The following CSNK2A2IP variants were observed in gnomAD, a reference collection of about 807,000 sequenced individuals.
The protein encoded by CSNK2A2IP is casein kinase 2 subunit alpha' interacting protein.
At chr3:88,389,393 C>A in the CSNK2A2IP span, among the ~76,000 whole-genome samples, 1 of 152,110 alleles carries the variant, frequency 6.6e-6, no homozygotes, top group East Asian at 1.9e-4. Context: ...GCTTGAGGAA[C>A]CGCTGGAAAG....
At chr3:88,447,514 CAG>C in the CSNK2A2IP span, among the ~76,000 whole-genome samples, 201 of 152,116 alleles carry the variant, frequency 1.3e-3, no homozygotes, top group African/African-American at 4.4e-3. Context: ...TAATAATCTT[CAG>C]AGTCTTGCTT....
At chr3:88,367,158 A>G in the CSNK2A2IP span, among the ~76,000 whole-genome samples, 2 of 152,102 alleles carry the variant, frequency 1.3e-5, no homozygotes, top group Non-Finnish European at 2.9e-5. Context: ...TATTTTCAGA[A>G]ACTTAACTTG....
At chr3:88,466,599 A>C in the CSNK2A2IP span, 4 of 1,231,592 alleles carry the variant, frequency 3.2e-6, no homozygotes, top group Non-Finnish European at 4.0e-6. Context: ...CTTGGACTTT[A>C]AAGTATAGTC....
At chr3:88,359,714 GT>G in the CSNK2A2IP span, among the ~76,000 whole-genome samples, 1 of 152,164 alleles carries the variant, frequency 6.6e-6, no homozygotes, top group South Asian at 2.1e-4. Flanking sequence ...TTGTTCCATT[GT>G]GATCAGAAAA....
the CSNK2A2IP span, chr3:88,466,988 A>T: frequency 8.1e-7 from 1 of 1,228,128 alleles, no homozygotes; most frequent in Non-Finnish European, 1.0e-6. Context: ...CAGCCTAATG[A>T]AGTCCCTGAA....
At chr3:88,356,335 G>C in the CSNK2A2IP span, among the ~76,000 whole-genome samples, 1 of 151,754 alleles carries the variant, frequency 6.6e-6, no homozygotes, top group Admixed American at 6.6e-5. Flanking sequence ...CCACATATGA[G>C]TGAGAACATG....
chr3:88,429,057 T>C, the CSNK2A2IP span, among the ~76,000 whole-genome samples: 45 of 121,664 alleles, frequency 3.7e-4, no homozygotes, highest in African/African-American at 1.4e-3. Context: ...ACAATTCTTT[T>C]AACAATCTCA....
At chr3:88,415,931 A>C in the CSNK2A2IP span, among the ~76,000 whole-genome samples, 1 of 151,976 alleles carries the variant, frequency 6.6e-6, no homozygotes, top group Non-Finnish European at 1.5e-5. Flanking sequence ...AAAATTCAGA[A>C]ACAAAGAAGC....
the CSNK2A2IP span, among the ~76,000 whole-genome samples, chr3:88,349,560 T>C: frequency 1.3e-5 from 2 of 152,156 alleles, no homozygotes; most frequent in Non-Finnish European, 2.9e-5. Flanking sequence ...GTTAGTTCCA[T>C]AATTCTTGCA....
the CSNK2A2IP span, among the ~76,000 whole-genome samples, chr3:88,364,532 T>G: frequency 0.026 from 3,890 of 152,116 alleles, 106 homozygotes; most frequent in East Asian, 0.075. Context: ...ATTATTATCT[T>G]TTAAAATTTT....
the CSNK2A2IP span, among the ~76,000 whole-genome samples, chr3:88,432,555 T>C: frequency 6.6e-6 from 1 of 151,712 alleles, no homozygotes; most frequent in African/African-American, 2.4e-5. Flanking sequence ...CTTGCTTAAC[T>C]GTGGTAATCA....
the CSNK2A2IP span, among the ~76,000 whole-genome samples, chr3:88,415,204 C>G: frequency 1.3e-5 from 2 of 151,962 alleles, no homozygotes; most frequent in African/African-American, 4.8e-5. Flanking sequence ...AACCCCCAAA[C>G]TCAAATCAAA....
chr3:88,429,215 C>G, the CSNK2A2IP span, among the ~76,000 whole-genome samples: 1 of 151,992 alleles, frequency 6.6e-6, no homozygotes, highest in Non-Finnish European at 1.5e-5. Flanking sequence ...GCACTTTGGT[C>G]ATTGCATTTC....
the CSNK2A2IP span, among the ~76,000 whole-genome samples, chr3:88,374,872 T>G: frequency 6.6e-6 from 1 of 151,684 alleles, no homozygotes; most frequent in Non-Finnish European, 1.5e-5. Flanking sequence ...ACTATACAGA[T>G]TCCCAATGGA....
the CSNK2A2IP span, among the ~76,000 whole-genome samples, chr3:88,346,948 T>C: frequency 0.018 from 2,801 of 152,144 alleles, 38 homozygotes; most frequent in South Asian, 0.042. Context: ...CTAGATGTCA[T>C]TGAGAACATT....
the CSNK2A2IP span, among the ~76,000 whole-genome samples, chr3:88,350,600 GAA>G: frequency 3.6e-5 from 4 of 111,478 alleles, no homozygotes; most frequent in African/African-American, 1.2e-4. Flanking sequence ...CAAAGATGAT[GAA>G]AAAAAAAAAA....
chr3:88,417,241 GT>G, the CSNK2A2IP span, among the ~76,000 whole-genome samples: 1 of 152,174 alleles, frequency 6.6e-6, no homozygotes, highest in South Asian at 2.1e-4. Context: ...AGTATTTAAT[GT>G]TTATTATTTA....
chr3:88,347,749 G>A, the CSNK2A2IP span, among the ~76,000 whole-genome samples: 1 of 151,946 alleles, frequency 6.6e-6, no homozygotes, highest in East Asian at 1.9e-4. Flanking sequence ...AGGTATACCT[G>A]TATTTTGGAT....
chr3:88,396,588 G>A, the CSNK2A2IP span, among the ~76,000 whole-genome samples: 2 of 152,162 alleles, frequency 1.3e-5, no homozygotes, highest in Non-Finnish European at 2.9e-5. Context: ...TGTGGTGGGA[G>A]GAAACACAGT....
Sources: allele counts gnomAD v4.1 joint callset (sites outside exome capture counted in the v4.1 genomes callset), GRCh38; gene constraint gnomAD v4.1.1; transcripts MANE v1.5; gene names NCBI Gene and HGNC (gene_info 2026-07-23, HGNC 2026-07-21).